TIAM2: variants seen among roughly 807,000 people sequenced by gnomAD.
TIAM2 encodes TIAM Rac1 associated GEF 2, also known as rho guanine nucleotide exchange factor TIAM2.
In TIAM2, 80 loss-of-function variants were observed where a neutral mutation model predicts 152.9. That is an observed-to-expected ratio of 0.52 (90% confidence interval 0.44 to 0.63). The LOEUF (loss-of-function observed/expected upper bound fraction) is 0.63, where lower values mean the gene tolerates loss of function less well. Among genes scored for constraint, TIAM2 ranks in the 30% least tolerant of loss-of-function variants. The pLI is 0.00. For synonymous variants in TIAM2, 804 were observed against 838.0 expected (o/e 0.96, Z 0.70); for missense variants, 1,965 against 2,120.1 (o/e 0.93, Z 1.44).
rs192121411 is a variant in TIAM2 at position 155,253,964 on chromosome 6, T to C, written c.4226-9T>C. ...TTGTAGACTCTTGTTTCCATTTCCTTTTACATAGGGACAGAAAATAATTCC... is the reference window on the plus strand; with the variant it reads ...TTGTAGACTCTTGTTTCCATTTCCTCTTACATAGGGACAGAAAATAATTCC... On this transcript the variant is annotated splice_polypyrimidine_tract_variant and intron_variant, in intron 24 of 26. Transcript: ENST00000682666. The C allele has an allele frequency of 3.1e-6, 5 of 1,609,246 alleles. No individual in the cohort carries two copies. Among genetic ancestry groups the C allele is most frequent in the Non-Finnish European group, 4.2e-6 (5 of 1,178,182 alleles).
chr6:155,244,457 G>C (rs1327769895), intron 17 of TIAM2, among the ~76,000 whole-genome samples: 2 of 152,204 alleles, frequency 1.3e-5, no homozygotes, highest in South Asian at 2.1e-4. Flanking sequence ...TAGTAATAGA[G>C]AATTATGGGG....
At chr6:155,193,412 A>G (rs1428349406) in intron 14 of TIAM2, among the ~76,000 whole-genome samples, 22 of 149,794 alleles carry the variant, frequency 1.5e-4, no homozygotes, top group Admixed American at 1.5e-3. Flanking sequence ...TCAAAAAAAA[A>G]TGTCACACTC....
chr6:155,171,574 C>T (rs1467417407), intron 9 of TIAM2, among the ~76,000 whole-genome samples: 3 of 152,010 alleles, frequency 2.0e-5, no homozygotes, highest in Admixed American at 2.0e-4. Flanking sequence ...CTAAAAAACC[C>T]CAAAAAACCC....
chr6:155,183,219 C>A lies in TIAM2; in HGVS notation c.2801-18C>A. 6.3e-7 allele frequency: 1 copy of A among 1,595,080 alleles called. No individual in the cohort carries two copies. Among genetic ancestry groups the A allele is most frequent in the Non-Finnish European group, 8.5e-7 (1 of 1,172,242 alleles). ...TAATCCCTCTCTCTTTTTTCTGTTTCTCCTTCCTTTTTCTCAGGGCTGAGA... is the reference window on the plus strand; with the variant it reads ...TAATCCCTCTCTCTTTTTTCTGTTTATCCTTCCTTTTTCTCAGGGCTGAGA... On this transcript the variant is annotated intron_variant, in intron 13 of 26. Transcript: ENST00000682666.
intron 1 of TIAM2, among the ~76,000 whole-genome samples, chr6:155,030,030 C>G (rs116296968): frequency 0.013 from 1,967 of 152,100 alleles, 45 homozygotes; most frequent in African/African-American, 0.046. Flanking sequence ...TGGGGTCAAG[C>G]CATCCTCCCA....
chr6:155,078,568 C>T (rs566779298), intron 1 of TIAM2, among the ~76,000 whole-genome samples: 51 of 152,204 alleles, frequency 3.4e-4, no homozygotes, highest in Non-Finnish European at 5.9e-4. Flanking sequence ...TGGTTCCTCA[C>T]GTCCAACTCG....
chr6:155,085,897 G>A (rs986871886), intron 1 of TIAM2, among the ~76,000 whole-genome samples: 1 of 152,178 alleles, frequency 6.6e-6, no homozygotes, highest in Non-Finnish European at 1.5e-5. Flanking sequence ...AGCATTGCTT[G>A]AGTTTTATTA....
intron 15 of TIAM2, among the ~76,000 whole-genome samples, chr6:155,212,991 C>G (rs1781759903): frequency 6.6e-6 from 1 of 152,180 alleles, no homozygotes; most frequent in South Asian, 2.1e-4. Context: ...TTGGAGATGC[C>G]AGGAACCGCT....
At position 155,159,836 on chromosome 6, in the gene TIAM2, G is replaced by T. The variant is rs538364246; in HGVS notation, c.2029-4579G>T. On this transcript the variant is annotated intron_variant, in intron 7 of 26. Coordinates refer to ENST00000682666, the MANE Select transcript of TIAM2 (RefSeq NM_012454.4). ...CTCTGGAACTGATTCTTTCTATAAA[G>T]AACCATGACCTTAAAAATAAGATGA... is the stretch of plus-strand genomic sequence containing the variant. Among the ~76,000 whole-genome samples, 16 of 152,210 alleles carry T rather than the reference G, an allele frequency of 1.1e-4. No homozygotes were observed. The South Asian group carries it at 3.3e-3, about 32-fold the overall frequency.
At chr6:155,210,550 T>C (rs2115211968) in intron 14 of TIAM2, among the ~76,000 whole-genome samples, 1 of 152,090 alleles carries the variant, frequency 6.6e-6, no homozygotes, top group Non-Finnish European at 1.5e-5. Context: ...TTGCCCAGGG[T>C]GGTCTCGAAC....
rs145357319 is a variant in TIAM2 at position 155,009,201 on chromosome 6, G to A, written c.-209+13709G>A. 3.5e-3 allele frequency among the ~76,000 whole-genome samples: 529 copies of A among 150,636 alleles called. 3 individuals are homozygous for A. The highest frequency in any genetic ancestry group is 0.012 in the African/African-American group (483 of 40,904). On this transcript the variant is annotated intron_variant, in intron 1 of 26. Coordinates refer to ENST00000682666, the MANE Select transcript of TIAM2 (RefSeq NM_012454.4). ...ACTGCAGCCTCCACCTCCAGGGTTCGGGCGATTCTTGCACCTCAGCCTTCT... is the reference window on the plus strand; with the variant it reads ...ACTGCAGCCTCCACCTCCAGGGTTCAGGCGATTCTTGCACCTCAGCCTTCT...
chr6:155,023,762 G>A (rs1468848445), intron 1 of TIAM2, among the ~76,000 whole-genome samples: 2 of 152,084 alleles, frequency 1.3e-5, no homozygotes, highest in Admixed American at 6.6e-5. Flanking sequence ...TTTGTTCATC[G>A]TATATAGAAG....
intron 1 of TIAM2, among the ~76,000 whole-genome samples, chr6:155,082,235 C>G (rs1778078242): frequency 1.3e-5 from 2 of 152,050 alleles, no homozygotes; most frequent in Admixed American, 1.3e-4. Context: ...CTCAGCTACT[C>G]AGGAGGCTGA....
chr6:155,198,422 G>A (rs1781395957), intron 14 of TIAM2, among the ~76,000 whole-genome samples: 1 of 152,146 alleles, frequency 6.6e-6, no homozygotes, highest in South Asian at 2.1e-4. Flanking sequence ...CAGCACTTTG[G>A]GAAGCCGAGG....
At chr6:155,152,214 A>G (rs887888998) in intron 7 of TIAM2, among the ~76,000 whole-genome samples, 1 of 152,218 alleles carries the variant, frequency 6.6e-6, no homozygotes, top group Non-Finnish European at 1.5e-5. Context: ...AGGATATGCC[A>G]TTTAAACTCC....
At chr6:155,249,203 G>A (rs1483577609) in intron 20 of TIAM2, among the ~76,000 whole-genome samples, 4 of 152,150 alleles carry the variant, frequency 2.6e-5, no homozygotes. Flanking sequence ...CTAAAATTTT[G>A]CTTTTTGGCT....
chr6:155,096,294 G>C (rs1456479817), intron 2 of TIAM2, among the ~76,000 whole-genome samples: 1 of 152,126 alleles, frequency 6.6e-6, no homozygotes, highest in Non-Finnish European at 1.5e-5. Flanking sequence ...AATTTGTAAA[G>C]ATCAAATCAG....
intron 1 of TIAM2, among the ~76,000 whole-genome samples, chr6:155,019,914 G>A (rs1000611343): frequency 7.2e-5 from 11 of 152,110 alleles, no homozygotes; most frequent in African/African-American, 2.2e-4. Flanking sequence ...TTAGCCAGGC[G>A]TGGTGCTGGG....
intron 1 of TIAM2, among the ~76,000 whole-genome samples, chr6:155,033,995 G>A (rs1776872862): frequency 6.6e-6 from 1 of 151,666 alleles, no homozygotes; most frequent in Admixed American, 6.6e-5. Context: ...GGGATTACAG[G>A]CGTGAGCCAC....
Sources: gnomAD v4.1 joint callset for allele counts (sites outside exome capture counted in the v4.1 genomes callset) on GRCh38, gnomAD v4.1.1 for gene constraint, MANE v1.5 for transcripts, NCBI Gene and HGNC (gene_info 2026-07-23, HGNC 2026-07-21) for gene names.